The following GRIK2 variants were observed in gnomAD, a reference collection of about 807,000 sequenced individuals.
The protein encoded by GRIK2 is glutamate ionotropic receptor kainate type subunit 2.
GRIK2 carries 32 observed loss-of-function variants against 100.3 expected under a neutral mutation model. The ratio of observed to expected loss-of-function variants is 0.32; its 90% CI spans 0.24 to 0.43. GRIK2 has a LOEUF of 0.43. GRIK2 is among the 20% of genes least tolerant of loss of function. The pLI is 1.00. For missense variants in GRIK2, 843 were observed against 1,114.9 expected, an observed-to-expected ratio of 0.76 and a Z score of 3.47; for synonymous variants, 417 against 389.4, an observed-to-expected ratio of 1.07 and a Z score of -0.83.
At chr6:101,683,116 T>C (rs902790124) in intron 6 of GRIK2, among the ~76,000 whole-genome samples, 2 of 151,916 alleles carry the variant, frequency 1.3e-5, no homozygotes, top group Non-Finnish European at 2.9e-5. Flanking sequence ...GACAGGAGAA[T>C]TGCTTGGACC....
At chr6:101,883,479 G>A (rs1786407458) in intron 11 of GRIK2, among the ~76,000 whole-genome samples, 1 of 151,858 alleles carries the variant, frequency 6.6e-6, no homozygotes, top group African/African-American at 2.4e-5. Flanking sequence ...TTACTCAAAA[G>A]GAACTTACAT....
chr6:101,879,274 A>G (rs375387636), intron 11 of GRIK2, among the ~76,000 whole-genome samples: 27 of 152,004 alleles, frequency 1.8e-4, no homozygotes, highest in African/African-American at 5.1e-4. Flanking sequence ...TGCTTAACCT[A>G]TTTCCCATTG....
chr6:102,001,102 A>G (rs1458935903), intron 14 of GRIK2, among the ~76,000 whole-genome samples: 1 of 152,092 alleles, frequency 6.6e-6, no homozygotes, highest in African/African-American at 2.4e-5. Flanking sequence ...ATTTGCCATA[A>G]CATAACATAA....
intron 7 of GRIK2, among the ~76,000 whole-genome samples, chr6:101,768,536 TATC>T (rs1377430676): frequency 6.6e-6 from 1 of 152,218 alleles, no homozygotes; most frequent in African/African-American, 2.4e-5. Context: ...AGTAAATTTT[TATC>T]ATCAAGAGAG....
At chr6:102,018,328 A>G (rs993764046) in intron 14 of GRIK2, among the ~76,000 whole-genome samples, 5 of 152,104 alleles carry the variant, frequency 3.3e-5, no homozygotes, top group African/African-American at 1.2e-4. Context: ...GGAAGAATAG[A>G]CAGAGCTTGA....
chr6:101,803,276 G>A (rs1780783050), intron 9 of GRIK2, among the ~76,000 whole-genome samples: 1 of 151,822 alleles, frequency 6.6e-6, no homozygotes, highest in Admixed American at 6.6e-5. Flanking sequence ...GAGGAAAGCT[G>A]AGACCTACGA....
intron 2 of GRIK2, among the ~76,000 whole-genome samples, chr6:101,598,232 C>A (rs1466375264): frequency 6.6e-6 from 1 of 151,494 alleles, no homozygotes; most frequent in African/African-American, 2.4e-5. Flanking sequence ...CACTTCAATA[C>A]CCCCTTTTCA....
intron 7 of GRIK2, among the ~76,000 whole-genome samples, chr6:101,752,194 C>A (rs976080475): frequency 6.6e-6 from 1 of 152,006 alleles, no homozygotes; most frequent in African/African-American, 2.4e-5. Flanking sequence ...TGCTTCAATT[C>A]TTTTCCATGA....
intron 4 of GRIK2, among the ~76,000 whole-genome samples, chr6:101,634,793 G>GAAAA (rs141368564): frequency 6.9e-6 from 1 of 145,102 alleles, no homozygotes; most frequent in African/African-American, 2.5e-5. Flanking sequence ...ACGATCACAG[G>GAAAA]AAAAAAAAAA....
At chr6:101,941,611 G>A (rs951914993) in intron 14 of GRIK2, among the ~76,000 whole-genome samples, 3 of 152,052 alleles carry the variant, frequency 2.0e-5, no homozygotes, top group Non-Finnish European at 4.4e-5. Flanking sequence ...CTTTTGGACT[G>A]TTATACAATG....
intron 2 of GRIK2, among the ~76,000 whole-genome samples, chr6:101,591,422 C>A (rs546786478): frequency 6.6e-6 from 1 of 152,026 alleles, no homozygotes; most frequent in South Asian, 2.1e-4. Context: ...TCTCAAGAGC[C>A]ATCTCTAATC....
chr6:101,455,507 C>G (rs965554791), intron 2 of GRIK2, among the ~76,000 whole-genome samples: 1 of 151,852 alleles, frequency 6.6e-6, no homozygotes, highest in Admixed American at 6.6e-5. Flanking sequence ...TGCCATGGAG[C>G]AGGCTACATT....
At chr6:101,896,997 A>AACACAC (rs10588904) in intron 12 of GRIK2, among the ~76,000 whole-genome samples, 191 of 147,816 alleles carry the variant, frequency 1.3e-3, no homozygotes, top group Non-Finnish European at 2.0e-3. Context: ...CATTGTATTT[A>AACACAC]ACACACACAC....
At chr6:101,843,007 T>C (rs945134440) in intron 10 of GRIK2, among the ~76,000 whole-genome samples, 10 of 152,214 alleles carry the variant, frequency 6.6e-5, no homozygotes, top group Non-Finnish European at 7.3e-5. Flanking sequence ...ATTCTAGTCA[T>C]TGAAAACTCC....
intron 11 of GRIK2, among the ~76,000 whole-genome samples, chr6:101,882,814 C>T (rs1786347807): frequency 6.6e-6 from 1 of 151,938 alleles, no homozygotes; most frequent in South Asian, 2.1e-4. Flanking sequence ...ATATTTTAAA[C>T]TTACGTAGCT....
At chr6:101,616,971 A>G (rs1442735823) in intron 2 of GRIK2, among the ~76,000 whole-genome samples, 3 of 151,462 alleles carry the variant, frequency 2.0e-5, no homozygotes, top group South Asian at 2.1e-4. Flanking sequence ...TATTGAATAT[A>G]TTATTTTCTT....
chr6:101,606,498 A>G (rs1779442570), intron 2 of GRIK2, among the ~76,000 whole-genome samples: 1 of 151,862 alleles, frequency 6.6e-6, no homozygotes, highest in Non-Finnish European at 1.5e-5. Context: ...TTCTCTTGAG[A>G]CCTTTAAGCT....
intron 2 of GRIK2, among the ~76,000 whole-genome samples, chr6:101,425,605 G>A (rs956351370): frequency 2.0e-5 from 3 of 152,152 alleles, no homozygotes; most frequent in African/African-American, 7.2e-5. Context: ...TTGTATTAAA[G>A]TTTTAAAGAC....
intron 10 of GRIK2, among the ~76,000 whole-genome samples, chr6:101,823,977 C>G (rs1174955062): frequency 6.6e-6 from 1 of 151,436 alleles, no homozygotes; most frequent in South Asian, 2.1e-4. Flanking sequence ...AAGTGATTCT[C>G]CTGCCTCAGC....
Sources: allele counts gnomAD v4.1 joint callset (sites outside exome capture counted in the v4.1 genomes callset), GRCh38; gene constraint gnomAD v4.1.1; transcripts MANE v1.5; gene names NCBI Gene and HGNC (gene_info 2026-07-23, HGNC 2026-07-21).